SLC25A21: variants seen among roughly 807,000 people sequenced by gnomAD.
The protein encoded by SLC25A21 is mitochondrial 2-oxodicarboxylate carrier.
In SLC25A21, 47 loss-of-function variants were observed where a neutral mutation model predicts 43.8. The ratio of observed to expected loss-of-function variants is 1.07; its 90% confidence interval spans 0.85 to 1.37. The LOEUF is 1.37. SLC25A21 is among the 40% of genes most tolerant of loss of function. The pLI is 0.00. For synonymous variants in SLC25A21, 131 were observed against 121.3 expected, an observed-to-expected ratio of 1.08 and a Z score of -0.52; for missense variants, 352 against 350.2, an observed-to-expected ratio of 1.00 and a Z score of -0.04.
At chr14:36,968,791 T>C (rs1462911998) in intron 1 of SLC25A21, among the ~76,000 whole-genome samples, 1 of 152,228 alleles carries the variant, frequency 6.6e-6, no homozygotes, top group African/African-American at 2.4e-5. Flanking sequence ...TGAGACATGA[T>C]GCCATTCCAT....
chr14:37,160,424 G>T (rs1477634050), intron 1 of SLC25A21, among the ~76,000 whole-genome samples: 1 of 152,190 alleles, frequency 6.6e-6, no homozygotes, highest in Non-Finnish European at 1.5e-5. Flanking sequence ...CAGCAACATG[G>T]ATGAAACTGG....
intron 1 of SLC25A21, among the ~76,000 whole-genome samples, chr14:36,940,851 T>G (rs1015624326): frequency 6.6e-5 from 10 of 152,126 alleles, no homozygotes; most frequent in African/African-American, 2.4e-4. Context: ...TGGGCTGATC[T>G]GAGAAACTGG....
chr14:37,015,472 T>C (rs986293368), intron 1 of SLC25A21, among the ~76,000 whole-genome samples: 7 of 152,226 alleles, frequency 4.6e-5, no homozygotes, highest in African/African-American at 1.4e-4. Flanking sequence ...TCCAAGTCTT[T>C]GCTATTGTGA....
At chr14:36,985,552 A>G (rs1000164755) in intron 1 of SLC25A21, among the ~76,000 whole-genome samples, 5 of 152,150 alleles carry the variant, frequency 3.3e-5, no homozygotes. Flanking sequence ...GATTTTGCAG[A>G]ATGCATCTCA....
At chr14:36,835,089 T>A (rs1036088793) in intron 2 of SLC25A21, among the ~76,000 whole-genome samples, 3 of 152,002 alleles carry the variant, frequency 2.0e-5, no homozygotes, top group African/African-American at 7.3e-5. Flanking sequence ...AAAGAAAGAG[T>A]CAGGGATTAT....
At position 36,734,507 on chromosome 14, in the gene SLC25A21, C is replaced by T. The variant is rs757463446; in HGVS notation, c.270G>A (p.Lys90=). 1.2e-6 allele frequency: 2 copies of T among 1,605,942 alleles called. No individual in the cohort carries two copies. The highest frequency in any genetic ancestry group is 1.7e-5 in the Admixed American group (1 of 59,400). ...TGGTGCGAACGCATGCAATGCTTAC[C>T]TTCACTGCTCTTTTTGGGGTTTCAG... ...ILAETPKRAV[K]FFTFEQYKKL... is the part of the protein sequence containing the mutation. The change falls in exon 4 of 10, where the codon AAG becomes AAA. Residue 90 remains lysine, a splice_region_variant and synonymous_variant. Transcript: ENST00000331299.
intron 1 of SLC25A21, among the ~76,000 whole-genome samples, chr14:37,132,003 T>G (rs563958367): frequency 6.6e-6 from 1 of 152,052 alleles, no homozygotes; most frequent in Admixed American, 6.5e-5. Flanking sequence ...GAAAAGAAAT[T>G]TATTTCTCAC....
intron 7 of SLC25A21, among the ~76,000 whole-genome samples, chr14:36,708,525 C>T (rs1160146660): frequency 6.6e-6 from 1 of 152,074 alleles, no homozygotes; most frequent in East Asian, 1.9e-4. Flanking sequence ...GCAGTCTTGC[C>T]CTTCCAGGCT....
chr14:37,149,801 C>T (rs1265055565), intron 1 of SLC25A21, among the ~76,000 whole-genome samples: 19 of 151,862 alleles, frequency 1.3e-4, no homozygotes, highest in Admixed American at 1.2e-3. Context: ...TCTTGAAATC[C>T]CTTAGCTGTA....
chr14:36,826,031 T>C (rs1888819092), intron 2 of SLC25A21, among the ~76,000 whole-genome samples: 1 of 152,196 alleles, frequency 6.6e-6, no homozygotes, highest in Non-Finnish European at 1.5e-5. Context: ...TTACAGATAA[T>C]TCAAGCCAAC....
At chr14:37,012,096 T>C (rs942458373) in intron 1 of SLC25A21, among the ~76,000 whole-genome samples, 1 of 152,172 alleles carries the variant, frequency 6.6e-6, no homozygotes, top group Non-Finnish European at 1.5e-5. Flanking sequence ...CCAGTACAAA[T>C]AATTCAAATC....
At chr14:36,969,632 G>A (rs1959705450) in intron 1 of SLC25A21, among the ~76,000 whole-genome samples, 1 of 151,000 alleles carries the variant, frequency 6.6e-6, no homozygotes. Context: ...GGGACAACAG[G>A]CATGCACCAC....
At chr14:37,022,005 A>C (rs1273284642) in intron 1 of SLC25A21, among the ~76,000 whole-genome samples, 1 of 151,916 alleles carries the variant, frequency 6.6e-6, no homozygotes, top group Admixed American at 6.6e-5. Context: ...AAGGTGTGCC[A>C]GGGGCATTAT....
intron 1 of SLC25A21, among the ~76,000 whole-genome samples, chr14:37,058,164 A>T (rs575657491): frequency 2.0e-4 from 31 of 152,252 alleles, no homozygotes; most frequent in Non-Finnish European, 4.3e-4. Flanking sequence ...TTCTGCACTT[A>T]TTCAGATATT....
chr14:36,811,428 A>T (rs910918264), intron 3 of SLC25A21, among the ~76,000 whole-genome samples: 2 of 152,158 alleles, frequency 1.3e-5, no homozygotes, highest in Admixed American at 1.3e-4. Flanking sequence ...AGGAGGGTGG[A>T]TCACTTGAGG....
intron 1 of SLC25A21, among the ~76,000 whole-genome samples, chr14:36,919,645 A>ATCTG (rs1891926115): frequency 6.6e-6 from 1 of 150,698 alleles, no homozygotes; most frequent in African/African-American, 2.5e-5. Flanking sequence ...CTATCTATCT[A>ATCTG]TCTATCTATC....
chr14:37,044,680 T>A (rs1219814231), intron 1 of SLC25A21, among the ~76,000 whole-genome samples: 1 of 152,130 alleles, frequency 6.6e-6, no homozygotes, highest in Non-Finnish European at 1.5e-5. Flanking sequence ...GTAGATACAG[T>A]CATGGAACAC....
chr14:36,968,878 T>C (rs899563971), intron 1 of SLC25A21, among the ~76,000 whole-genome samples: 2 of 152,226 alleles, frequency 1.3e-5, no homozygotes, highest in African/African-American at 2.4e-5. Flanking sequence ...GGTATTTTAC[T>C]GTACACATAT....
At chr14:36,965,688 A>G (rs1372438993) in intron 1 of SLC25A21, among the ~76,000 whole-genome samples, 3 of 152,156 alleles carry the variant, frequency 2.0e-5, no homozygotes, top group African/African-American at 7.2e-5. Context: ...CTAGGCCAGA[A>G]ATATTTTCTT....
Sources: gnomAD v4.1 joint callset for allele counts (sites outside exome capture counted in the v4.1 genomes callset) on GRCh38, gnomAD v4.1.1 for gene constraint, MANE v1.5 for transcripts, NCBI Gene and HGNC (gene_info 2026-07-23, HGNC 2026-07-21) for gene names.